Variants in ARHGAP24 observed in about 807,000 individuals in gnomAD.
The protein encoded by ARHGAP24 is rho GTPase-activating protein 24.
A neutral mutation model predicts 76.4 loss-of-function variants in ARHGAP24; 50 were observed. The ratio of observed to expected loss-of-function variants is 0.65; its 90% confidence interval spans 0.52 to 0.83. The LOEUF (loss-of-function observed/expected upper bound fraction) is 0.83. ARHGAP24 is among the 40% of genes least tolerant of loss of function. The probability of loss-of-function intolerance (pLI) is 0.00; values close to 1 mark genes in which losing one functional copy is unlikely to be tolerated. For synonymous variants in ARHGAP24, 345 were observed against 323.3 expected, an observed-to-expected ratio of 1.07 and a Z score of -0.72; for missense variants, 930 against 914.2, an observed-to-expected ratio of 1.02 and a Z score of -0.22.
intron 2 of ARHGAP24, among the ~76,000 whole-genome samples, chr4:85,653,138 A>AT (rs1447945202): frequency 2.0e-5 from 3 of 152,236 alleles, no homozygotes; most frequent in African/African-American, 7.2e-5. Context: ...GTCAGATACA[A>AT]TTTTAAACCA....
chr4:85,488,616 GC>G (rs1452773676), intron 1 of ARHGAP24, among the ~76,000 whole-genome samples: 1 of 152,142 alleles, frequency 6.6e-6, no homozygotes, highest in Non-Finnish European at 1.5e-5. Context: ...AAGCATACCA[GC>G]CTCTTGAACT....
intron 3 of ARHGAP24, among the ~76,000 whole-genome samples, chr4:85,921,039 AG>A (rs1735693584): frequency 6.6e-6 from 1 of 152,218 alleles, no homozygotes; most frequent in African/African-American, 2.4e-5. Flanking sequence ...ATATACCCAA[AG>A]GAATATAAGT....
At chr4:85,930,792 A>C in intron 4 of ARHGAP24, 2 of 1,474,446 alleles carry the variant, frequency 1.4e-6, no homozygotes, top group Non-Finnish European at 1.8e-6. Flanking sequence ...CAGGACCTGG[A>C]TGATCAAAAC....
At chr4:85,907,488 T>A (rs1734830324) in intron 3 of ARHGAP24, among the ~76,000 whole-genome samples, 1 of 152,188 alleles carries the variant, frequency 6.6e-6, no homozygotes. Flanking sequence ...CATGACACAT[T>A]TTCTCTTTTT....
At chr4:85,568,586 A>T (rs981945765) in intron 1 of ARHGAP24, among the ~76,000 whole-genome samples, 1 of 152,054 alleles carries the variant, frequency 6.6e-6, no homozygotes. Flanking sequence ...AAGAAAGGAG[A>T]TGAAAGTTCC....
chr4:85,726,482 G>T (rs1484901403), intron 3 of ARHGAP24, among the ~76,000 whole-genome samples: 3 of 152,108 alleles, frequency 2.0e-5, no homozygotes, highest in African/African-American at 7.2e-5. Context: ...GGGGTCCCCT[G>T]AGGCGGTGAT....
intron 2 of ARHGAP24, among the ~76,000 whole-genome samples, chr4:85,706,757 G>T (rs1003377340): frequency 6.6e-6 from 1 of 151,574 alleles, no homozygotes; most frequent in Admixed American, 6.6e-5. Context: ...GTAGAGACGG[G>T]GTTTCACCAT....
chr4:85,872,614 T>C (rs1578326201), intron 3 of ARHGAP24, among the ~76,000 whole-genome samples: 1 of 144,008 alleles, frequency 6.9e-6, no homozygotes, highest in Non-Finnish European at 1.5e-5. Flanking sequence ...TTTTTTTTTT[T>C]TTTGACAGGG....
At chr4:85,894,976 A>C (rs1578356371) in intron 3 of ARHGAP24, among the ~76,000 whole-genome samples, 1 of 37,906 alleles carries the variant, frequency 2.6e-5, no homozygotes, top group Non-Finnish European at 5.0e-5. Flanking sequence ...AAAAAAAAAA[A>C]AAAAAAAAAA....
At chr4:85,545,509 A>C (rs944149946) in intron 1 of ARHGAP24, among the ~76,000 whole-genome samples, 1 of 152,146 alleles carries the variant, frequency 6.6e-6, no homozygotes, top group Non-Finnish European at 1.5e-5. Context: ...GGCTGAGACT[A>C]TCAGGTATGC....
chr4:85,982,513 A>G (rs1243557254), intron 8 of ARHGAP24, among the ~76,000 whole-genome samples: 3 of 152,068 alleles, frequency 2.0e-5, no homozygotes, highest in African/African-American at 7.2e-5. Context: ...TTAACCCAGG[A>G]TCAATCAGGC....
intron 1 of ARHGAP24, among the ~76,000 whole-genome samples, chr4:85,544,419 G>A (rs1725823221): frequency 6.6e-6 from 1 of 151,998 alleles, no homozygotes; most frequent in African/African-American, 2.4e-5. Flanking sequence ...GTTAGTATAA[G>A]GTACTGAACT....
At chr4:85,495,475 C>T (rs539555960) in intron 1 of ARHGAP24, among the ~76,000 whole-genome samples, 203 of 150,338 alleles carry the variant, frequency 1.4e-3, no homozygotes, top group Middle Eastern at 3.4e-3. Flanking sequence ...CTCAGCCTCC[C>T]GAGTAGCTGG....
At chr4:85,996,741 A>G (rs948226229) in intron 9 of ARHGAP24, among the ~76,000 whole-genome samples, 1 of 152,168 alleles carries the variant, frequency 6.6e-6, no homozygotes, top group African/African-American at 2.4e-5. Flanking sequence ...AAAGAAAAAT[A>G]TAGGGTCATT....
At chr4:85,937,738 G>A (rs1210009144) in intron 4 of ARHGAP24, among the ~76,000 whole-genome samples, 1 of 151,976 alleles carries the variant, frequency 6.6e-6, no homozygotes, top group Non-Finnish European at 1.5e-5. Context: ...AAATTTGGCT[G>A]TCAATGATTT....
intron 3 of ARHGAP24, among the ~76,000 whole-genome samples, chr4:85,913,202 C>A (rs1047289100): frequency 6.6e-6 from 1 of 152,012 alleles, no homozygotes; most frequent in Non-Finnish European, 1.5e-5. Flanking sequence ...TTTAGACTGG[C>A]CTTTTCTGTT....
At chr4:85,781,567 T>C (rs1727555721) in intron 3 of ARHGAP24, among the ~76,000 whole-genome samples, 1 of 140,654 alleles carries the variant, frequency 7.1e-6, no homozygotes, top group African/African-American at 2.7e-5. Flanking sequence ...CATTTTTCTT[T>C]AATTTTTAAA....
chr4:85,494,305 T>G (rs920670060), intron 1 of ARHGAP24, among the ~76,000 whole-genome samples: 1 of 152,184 alleles, frequency 6.6e-6, no homozygotes, highest in Non-Finnish European at 1.5e-5. Context: ...ATCGTGTGTG[T>G]GGTTCCCCTC....
At chr4:85,944,062 T>A (rs1737107286) in intron 5 of ARHGAP24, among the ~76,000 whole-genome samples, 1 of 152,204 alleles carries the variant, frequency 6.6e-6, no homozygotes, top group Non-Finnish European at 1.5e-5. Flanking sequence ...TTGAGCTAAT[T>A]TACATTCCCA....
Sources: allele counts gnomAD v4.1 joint callset (sites outside exome capture counted in the v4.1 genomes callset), GRCh38; gene constraint gnomAD v4.1.1; transcripts MANE v1.5; gene names NCBI Gene and HGNC (gene_info 2026-07-23, HGNC 2026-07-21).